LRP5: variants seen among roughly 807,000 people sequenced by gnomAD.
LRP5 encodes LDL receptor related protein 5.
In LRP5, 62 loss-of-function variants were observed where a neutral mutation model predicts 154.1. The observed-to-expected ratio is 0.40, with a 90% CI of 0.33 to 0.50. The LOEUF is 0.50. LRP5 is among the 20% of genes least tolerant of loss of function. LRP5 has a pLI of 0.55. For missense variants in LRP5, 1,915 were observed against 2,336.7 expected (o/e 0.82, Z 3.72); for synonymous variants, 966 against 1,011.5 (o/e 0.96, Z 0.85).
intron 7 of LRP5, among the ~76,000 whole-genome samples, chr11:68,392,289 A>AG (rs1357377131): frequency 1.3e-5 from 2 of 152,182 alleles, no homozygotes; most frequent in Non-Finnish European, 2.9e-5. Flanking sequence ...AGATCACCTG[A>AG]GGTCAGGAGT....
chr11:68,417,003 CAT>C (rs2098662938), intron 13 of LRP5, among the ~76,000 whole-genome samples: 1 of 152,184 alleles, frequency 6.6e-6, no homozygotes, highest in African/African-American at 2.4e-5. Flanking sequence ...CCATCAATGA[CAT>C]GTAAGAAAAG....
rs140027832 is a variant in LRP5 at position 68,378,204 on chromosome 11, T to C, written c.1016-8112T>C. 2.6e-5 allele frequency among the ~76,000 whole-genome samples: 4 copies of C among 152,300 alleles called. No individual in the cohort carries two copies. In the East Asian group the frequency reaches 7.7e-4, roughly 29 times the overall value. On this transcript the variant is annotated intron_variant, in intron 5 of 22. Transcript: ENST00000294304. ...AAACCTGTTTTCCCACATTGGGGCA[T>C]GGAGGGTATTAACTGTGATGACCTT... is the stretch of plus-strand genomic sequence containing the variant.
rs139755343 is a variant in LRP5, at chr11:68,438,471, C to T, written c.4137C>T (p.Asp1379=). The change falls in exon 20 of 23, where the codon GAC becomes GAT. Residue 1379 remains aspartate, a synonymous_variant. Transcript: ENST00000294304. ...MCEITKPPSD[D]SPAHSSAIGP... ...AAATCACCAAGCCGCCCTCAGACGACAGCCCGGCCCACAGCAGTGCCATCG... is the reference window on the plus strand; with the variant it reads ...AAATCACCAAGCCGCCCTCAGACGATAGCCCGGCCCACAGCAGTGCCATCG... 124 of 1,614,086 alleles carry T rather than the reference C, an allele frequency of 7.7e-5. No homozygotes were observed. Among genetic ancestry groups the T allele is most frequent in the Non-Finnish European group, 9.7e-5 (115 of 1,180,060 alleles).
rs768741253 is a variant in LRP5, at chr11:68,411,584, C to T, written c.2467C>T (p.Leu823=). 7.5e-5 allele frequency: 121 copies of T among 1,613,348 alleles called. 1 individual carries two copies. In the Middle Eastern group the frequency reaches 8.2e-4, roughly 11 times the overall value. ...YADQRLYWTD[L]DTNMIESSNM... is the part of the protein sequence containing the mutation. The stretch of plus-strand genomic sequence containing the variant: ...TGACCAGCGCCTCTACTGGACCGAC[C>T]TGGACACCAACATGATCGAGTCGTC... The change falls in exon 11 of 23, where the codon CTG becomes TTG. Residue 823 remains leucine (L), a synonymous_variant. Transcript: ENST00000294304.
At chr11:68,305,476 CTT>C in the LRP5 span, among the ~76,000 whole-genome samples, 5 of 152,130 alleles carry the variant, frequency 3.3e-5, no homozygotes, top group Non-Finnish European at 5.9e-5. Context: ...GGGTTTCTCT[CTT>C]GTCTCCCAGG....
chr11:68,309,880 A>G (rs2098586750), upstream of LRP5, among the ~76,000 whole-genome samples: 1 of 152,132 alleles, frequency 6.6e-6, no homozygotes, highest in South Asian at 2.1e-4. Flanking sequence ...TTTCCTCCTG[A>G]CAGTCTCATC....
rs755484892 is a variant in LRP5 at position 68,413,985 on chromosome 11, C to G, written c.2800C>G (p.Leu934Val). Residue 934 changes from leucine (L) to valine (V), a missense_variant, in exon 12 of 23, where the codon CTG becomes GTG. Transcript: ENST00000294304. The surrounding 1 kb of genome is among the most constrained non-coding windows in gnomAD (Gnocchi z 5.1). ...HRCGCASHYT[L>V]DPSSRNCSPP... The stretch of plus-strand genomic sequence containing the variant: ...CTGCGGCTGCGCCTCACACTACACC[C>G]TGGACCCCAGCAGCCGCAACTGCAG... The G allele has an allele frequency of 6.2e-7, 1 of 1,605,500 alleles. No homozygotes were observed.
At chr11:68,322,954 A>G (rs2098597567) in intron 1 of LRP5, among the ~76,000 whole-genome samples, 1 of 151,580 alleles carries the variant, frequency 6.6e-6, no homozygotes, top group Admixed American at 6.6e-5. Flanking sequence ...TAGGGCCCAG[A>G]CTCCGTGAGA....
At chr11:68,369,385 G>A (rs2098632847) in intron 5 of LRP5, among the ~76,000 whole-genome samples, 1 of 152,092 alleles carries the variant, frequency 6.6e-6, no homozygotes, top group South Asian at 2.1e-4. Context: ...TCTGCCTTGG[G>A]AGAGCAATGG....
chr11:68,381,609 C>T (rs1463771850), intron 5 of LRP5, among the ~76,000 whole-genome samples: 1 of 152,054 alleles, frequency 6.6e-6, no homozygotes. Context: ...GAGGCTCGGG[C>T]GAGGGGAAGG....
At chr11:68,378,498 C>A (rs922909410) in intron 5 of LRP5, among the ~76,000 whole-genome samples, 1 of 83,864 alleles carries the variant, frequency 1.2e-5, no homozygotes, top group African/African-American at 4.5e-5. Flanking sequence ...AGGAAGAGGA[C>A]CCTGTCCCCG....
chr11:68,409,332 AATG>A (rs2098658091), intron 9 of LRP5, among the ~76,000 whole-genome samples: 2 of 145,042 alleles, frequency 1.4e-5, no homozygotes, highest in Admixed American at 7.1e-5. Context: ...AAATATATGT[AATG>A]TATATTTTTT....
At chr11:68,403,876 A>T (rs1168806815) in intron 8 of LRP5, 177 bp downstream of exon 8, 2 of 676,536 alleles carry the variant, frequency 3.0e-6, no homozygotes, top group African/African-American at 3.6e-5. Flanking sequence ...AAGGGAGCTG[A>T]TTAGGGAGTG....
chr11:68,366,355 G>C (rs2098631075), intron 5 of LRP5, among the ~76,000 whole-genome samples: 1 of 152,010 alleles, frequency 6.6e-6, no homozygotes. Context: ...CCACACTCAG[G>C]AACAGTCCTA....
intron 1 of LRP5, among the ~76,000 whole-genome samples, chr11:68,315,404 C>T (rs150258450): frequency 1.2e-3 from 182 of 152,372 alleles, no homozygotes; most frequent in African/African-American, 4.3e-3. Flanking sequence ...CTGCAGCCCT[C>T]GGGGGCAGGA....
At position 68,423,443 on chromosome 11, in the gene LRP5, G is replaced by T; in HGVS notation, c.3028-46G>T. 6.3e-7 allele frequency: 1 copy of T among 1,576,948 alleles called. No homozygotes were observed. The highest frequency in any genetic ancestry group is 1.1e-5 in the South Asian group (1 of 90,258). ...TGCCAGGGGTCTCCGCCAGTGCCCA[G>T]GGGTCTCCGCCAGTGCTCAGGAGTC... On this transcript the variant is annotated intron_variant, in intron 13 of 22. Transcript: ENST00000294304. This position sits in a 1 kb window ranked among gnomAD's most constrained non-coding sequence, Gnocchi z 4.7.
rs764663599 is a variant in LRP5, at chr11:68,426,102, C to A, written c.3552C>A (p.Thr1184=). 63 of 1,613,262 alleles carry A rather than the reference C, an allele frequency of 3.9e-5. No homozygotes were observed. Among genetic ancestry groups the A allele is most frequent in the Admixed American group, 6.7e-5 (4 of 60,010 alleles). Residue 1184 remains threonine, a synonymous_variant, in exon 16 of 23, where the codon ACC becomes ACA. Transcript: ENST00000294304. ...QQMIERVEKT[T]GDKRTRIQGR... ...TGATCGAGCGTGTGGAGAAGACCACCGGGGACAAGCGGACTCGCATCCAGG... is the reference window on the plus strand; with the variant it reads ...TGATCGAGCGTGTGGAGAAGACCACAGGGGACAAGCGGACTCGCATCCAGG...
intron 10 of LRP5, among the ~76,000 whole-genome samples, chr11:68,410,418 CTG>C (rs1244550940): frequency 2.0e-5 from 3 of 152,184 alleles, no homozygotes; most frequent in African/African-American, 7.2e-5. Context: ...GGGTGGGTAT[CTG>C]TGTCGATTTT....
intron 1 of LRP5, among the ~76,000 whole-genome samples, chr11:68,320,185 A>G (rs533730982): frequency 4.3e-4 from 65 of 152,258 alleles, no homozygotes; most frequent in African/African-American, 1.5e-3. Context: ...ATACAAGCAT[A>G]CATACATACA....
Sources: allele counts gnomAD v4.1 joint callset (sites outside exome capture counted in the v4.1 genomes callset), GRCh38; gene constraint gnomAD v4.1.1; non-coding constraint Gnocchi (gnomAD v3.1); transcripts MANE v1.5; gene names NCBI Gene and HGNC (gene_info 2026-07-23, HGNC 2026-07-21).